Variants in CHRNB3 observed in about 807,000 individuals in gnomAD.
CHRNB3 encodes cholinergic receptor nicotinic beta 3 subunit.
CHRNB3 carries 37 observed loss-of-function variants against 40.6 expected under a neutral mutation model. The ratio of observed to expected loss-of-function variants is 0.91; its 90% confidence interval spans 0.70 to 1.20. CHRNB3 has a LOEUF of 1.20. CHRNB3 is among the 50% of genes most tolerant of loss of function. The probability of loss-of-function intolerance (pLI) is 0.00; values close to 1 mark genes in which losing one functional copy is unlikely to be tolerated. For synonymous variants in CHRNB3, 207 were observed against 207.1 expected (o/e 1.00, Z 0.00); for missense variants, 505 against 551.2 (o/e 0.92, Z 0.84).
Position 42,697,576 on chromosome 8 carries a change from C to T in CHRNB3, c.30C>T (p.Ile10=), listed in dbSNP as rs370593190. MLPDFMLVL[I]VLGIPSSATT... is the part of the protein sequence containing the mutation. ...TCCCAGATTTTATGCTGGTTCTCAT[C>T]GTCCTTGGCATCCCTTCCTCAGGTA... is the stretch of plus-strand genomic sequence containing the variant. Residue 10 remains isoleucine (I), a synonymous_variant, in exon 1 of 6, where the codon ATC becomes ATT. Coordinates refer to ENST00000289957, the MANE Select transcript of CHRNB3 (RefSeq NM_000749.5). 2,777 of 1,613,616 alleles carry T rather than the reference C, an allele frequency of 1.7e-3. 57 individuals carry two copies. The South Asian group carries it at 0.029, about 17-fold the overall frequency.
chr8:42,731,546 C>T, intron 4 of CHRNB3, 121 bp from the exon 5 acceptor site: 1 of 1,105,964 alleles, frequency 9.0e-7, no homozygotes, highest in Non-Finnish European at 1.3e-6. Flanking sequence ...TAGAGTGAGA[C>T]TCCATCTCAA....
intron 3 of CHRNB3, among the ~76,000 whole-genome samples, chr8:42,719,692 A>G (rs1166058599): frequency 1.3e-5 from 2 of 152,146 alleles, no homozygotes; most frequent in African/African-American, 4.8e-5. Context: ...TGGGAATCTC[A>G]GGGAGAACGC....
chr8:42,731,164 T>C (rs2128908614), intron 4 of CHRNB3, among the ~76,000 whole-genome samples: 1 of 152,244 alleles, frequency 6.6e-6, no homozygotes, highest in East Asian at 1.9e-4. Context: ...ACACTAGGAA[T>C]AGAAAATTCT....
At chr8:42,727,298 G>A (rs1305488794) in intron 3 of CHRNB3, among the ~76,000 whole-genome samples, 1 of 151,396 alleles carries the variant, frequency 6.6e-6, no homozygotes, top group Admixed American at 6.6e-5. Context: ...ACTTGAACCT[G>A]GGAGGTGGAA....
intron 1 of CHRNB3, chr8:42,705,892 A>G (rs980797391): frequency 3.3e-5 from 5 of 152,252 alleles, no homozygotes; most frequent in African/African-American, 7.2e-5. Context: ...TGTCCACTCA[A>G]TAGCCATTAG....
chr8:42,711,359 A>G (rs7832025), intron 3 of CHRNB3, among the ~76,000 whole-genome samples: 152,096 of 152,096 alleles, frequency 1, 76,048 homozygotes, highest in Non-Finnish European at 1. Flanking sequence ...TTTTTATTTT[A>G]CCAGTGGTTT....
chr8:42,729,845 C>T (rs1299264678), intron 3 of CHRNB3, among the ~76,000 whole-genome samples: 1 of 152,104 alleles, frequency 6.6e-6, no homozygotes, highest in African/African-American at 2.4e-5. Context: ...TTGGGTCATC[C>T]ATACATCATC....
At chr8:42,723,946 C>T (rs1422279851) in intron 3 of CHRNB3, among the ~76,000 whole-genome samples, 3 of 151,718 alleles carry the variant, frequency 2.0e-5, no homozygotes, top group African/African-American at 4.8e-5. Flanking sequence ...ATTAGCTGGG[C>T]GTGATGGTGG....
chr8:42,704,667 TCTGAG>T (rs1448211776), intron 1 of CHRNB3, among the ~76,000 whole-genome samples: 3 of 152,144 alleles, frequency 2.0e-5, no homozygotes, highest in African/African-American at 4.8e-5. Context: ...CTCACAGTTG[TCTGAG>T]CTAATAGGTG....
chr8:42,711,946 G>A (rs189488775), intron 3 of CHRNB3, among the ~76,000 whole-genome samples: 23 of 151,836 alleles, frequency 1.5e-4, no homozygotes, highest in Non-Finnish European at 1.5e-5. Context: ...ACTTCTAAGC[G>A]AGAACATGTA....
rs1308041912 is a variant in CHRNB3 at position 42,730,964 on chromosome 8, C to G, written c.359+261C>G. ...TCGGGAGGCTGAGGCAGGAGAATGG[C>G]GTGAACCCGGGAAGCGGAGCTTGCA... On this transcript the variant is annotated intron_variant, in intron 4 of 5. Coordinates refer to ENST00000289957, the MANE Select transcript of CHRNB3 (RefSeq NM_000749.5). Among the ~76,000 whole-genome samples the G allele has an allele frequency of 1.4e-5, 2 of 147,696 alleles. 1 individual carries two copies. The highest frequency in any genetic ancestry group is 3.0e-5 in the Non-Finnish European group (2 of 67,172).
At position 42,736,902 on chromosome 8, in the gene CHRNB3, G is replaced by T; in HGVS notation, c.*284G>T. The stretch of plus-strand genomic sequence containing the variant: ...CCAGGCTTGAGCTCACATGTGGCCA[G>T]AGTGCACAAAAAGCTGTTGCTACTT... On this transcript the variant is annotated 3_prime_UTR_variant, in exon 6 of 6. Transcript: ENST00000289957. 2.8e-6 allele frequency: 1 copy of T among 353,868 alleles called. No homozygotes were observed. The highest frequency in any genetic ancestry group is 5.1e-6 in the Non-Finnish European group (1 of 196,746). The allele number at this position is 353,868 out of a possible 1,614,324, so 21.9% of individuals were successfully genotyped here. A position where few individuals can be genotyped will look rare whatever the true frequency, so the allele number is the denominator to read the frequency against.
intron 3 of CHRNB3, among the ~76,000 whole-genome samples, chr8:42,715,270 G>A (rs1816079973): frequency 6.6e-6 from 1 of 152,120 alleles, no homozygotes; most frequent in Non-Finnish European, 1.5e-5. Context: ...CCAGGAGGAG[G>A]GGATATTTAA....
At chr8:42,701,558 G>C (rs1283196147) in intron 1 of CHRNB3, among the ~76,000 whole-genome samples, 1 of 152,032 alleles carries the variant, frequency 6.6e-6, no homozygotes, top group Non-Finnish European at 1.5e-5. Context: ...AAAATAAAAA[G>C]AATAAAGAGA....
In CHRNB3 at chr8:42,730,704, G is replaced by A. The variant is rs752690899; in HGVS notation, c.359+1G>A. On this transcript the variant is annotated splice_donor_variant, in intron 4 of 5. Transcript: ENST00000289957. LOFTEE classifies it high-confidence loss of function. ...TTCCTGACATAGTTCTCTTTGAAAA[G>A]TAAGTATCACATTGTTTCTTACTTA... is the stretch of plus-strand genomic sequence containing the variant. 7.7e-6 allele frequency: 12 copies of A among 1,558,010 alleles called. No homozygotes were observed. Among genetic ancestry groups the A allele is most frequent in the Admixed American group, 3.5e-5 (2 of 56,424 alleles).
At chr8:42,736,377 T>G (rs1816523110) in intron 5 of CHRNB3, 107 bp from the exon 6 acceptor site, 1 of 1,384,004 alleles carries the variant, frequency 7.2e-7, no homozygotes, top group African/African-American at 1.4e-5. Flanking sequence ...TTTGAAAACT[T>G]AAGTAAATGC....
At chr8:42,704,698 G>GTGTGTGTA (rs1375456627) in intron 1 of CHRNB3, among the ~76,000 whole-genome samples, 5 of 152,302 alleles carry the variant, frequency 3.3e-5, no homozygotes, top group African/African-American at 1.2e-4. Flanking sequence ...GTGTGTGTGT[G>GTGTGTGTA]TGCTTGCATG....
At chr8:42,727,782 G>A (rs1816336697) in intron 3 of CHRNB3, among the ~76,000 whole-genome samples, 1 of 152,166 alleles carries the variant, frequency 6.6e-6, no homozygotes, top group South Asian at 2.1e-4. Flanking sequence ...GGAATCGCTT[G>A]AACCCAGGAG....
intron 1 of CHRNB3, among the ~76,000 whole-genome samples, chr8:42,701,637 A>G (rs1426714205): frequency 6.6e-6 from 1 of 152,184 alleles, no homozygotes; most frequent in Non-Finnish European, 1.5e-5. Context: ...GGACCTTATC[A>G]ATATCTTTCA....
Sources: allele counts gnomAD v4.1 joint callset (sites outside exome capture counted in the v4.1 genomes callset), GRCh38; gene constraint gnomAD v4.1.1; transcripts MANE v1.5; gene names NCBI Gene and HGNC (gene_info 2026-07-23, HGNC 2026-07-21).